The following AIFM1 variants were observed in gnomAD, a reference collection of about 807,000 sequenced individuals.
AIFM1 encodes the protein apoptosis-inducing factor 1, mitochondrial.
AIFM1 carries 3 observed loss-of-function variants against 51.7 expected under a neutral mutation model. The ratio of observed to expected loss-of-function variants is 0.06; its 90% CI spans 0.03 to 0.15. The LOEUF is 0.15. AIFM1 is among the 10% of genes least tolerant of loss of function. The pLI is 1.00. For missense variants in AIFM1, 330 were observed against 476.8 expected, an observed-to-expected ratio of 0.69 and a Z score of 2.87; for synonymous variants, 178 against 179.4, an observed-to-expected ratio of 0.99 and a Z score of 0.06.
At position 130,136,936 on chromosome X, in the gene AIFM1, C is replaced by T. The variant is rs918248997; in HGVS notation, c.1075+142G>A. On this transcript the variant is annotated intron_variant, in intron 10 of 15. Coordinates refer to ENST00000287295, the MANE Select transcript of AIFM1 (RefSeq NM_004208.4). Reference sequence around the variant, plus strand: ...ATCTGATTCAGAACACCTAGATGAACTTAGCTGACTGGAGAATGGTGGAAA... The same window carrying T: ...ATCTGATTCAGAACACCTAGATGAATTTAGCTGACTGGAGAATGGTGGAAA... 4.4e-6 allele frequency: 5 copies of T among 1,140,198 alleles called. No homozygotes were observed. The African/African-American group carries it at 7.2e-5, about 16-fold the overall frequency. The allele number at this position is 1,140,198 out of a possible 1,213,427, so 94.0% of individuals were successfully genotyped here.
At chrX:130,165,461 C>T (rs1234641573) in intron 1 of AIFM1, 90 bp downstream of exon 1, 38 of 766,576 alleles carry the variant, frequency 5.0e-5, no homozygotes. Context: ...AAGTTTCTCG[C>T]GGGGACGCGG....
intron 1 of AIFM1, among the ~76,000 whole-genome samples, chrX:130,161,700 C>T (rs1449972438): frequency 3.9e-5 from 4 of 103,164 alleles, no homozygotes; most frequent in African/African-American, 1.1e-4. Context: ...CTCCACTTCC[C>T]GGGTTCAAGC....
chrX:130,153,116 C>T (rs188915382), intron 2 of AIFM1, among the ~76,000 whole-genome samples: 67 of 103,325 alleles, frequency 6.5e-4, no homozygotes, highest in African/African-American at 2.2e-3. Context: ...GTGGATCACC[C>T]GAGGTCAGGA....
chrX:130,132,324 G>A (rs1433154808), intron 13 of AIFM1, among the ~76,000 whole-genome samples: 1 of 112,109 alleles, frequency 8.9e-6, no homozygotes, highest in African/African-American at 3.2e-5. Context: ...CATTATACAC[G>A]ACCACATATC....
intron 3 of AIFM1, among the ~76,000 whole-genome samples, chrX:130,149,181 CA>C (rs1254502367): frequency 9.0e-6 from 1 of 111,512 alleles, no homozygotes; most frequent in African/African-American, 3.3e-5. Context: ...CTCGGCCTCA[CA>C]AAGTGCTGGG....
intron 13 of AIFM1, 97 bp from the exon 14 acceptor site, chrX:130,131,896 G>T: frequency 9.5e-7 from 1 of 1,049,378 alleles, no homozygotes; most frequent in Non-Finnish European, 1.3e-6. Context: ...TTTTTGAGAC[G>T]GAGTTTCACT....
intron 2 of AIFM1, among the ~76,000 whole-genome samples, chrX:130,152,110 A>AGAG: frequency 9.0e-6 from 1 of 110,544 alleles, no homozygotes; most frequent in South Asian, 3.9e-4. Context: ...AGAGAAGAGA[A>AGAG]GAGAAAAGAA....
intron 13 of AIFM1, 44 bp from the exon 14 acceptor site, chrX:130,131,843 A>G (rs1357322801): frequency 1.7e-6 from 2 of 1,198,836 alleles, no homozygotes; most frequent in Non-Finnish European, 2.3e-6. Context: ...ACTGTAAGGA[A>G]TGACACGGTA....
chrX:130,130,403 A>G (rs751064087), intron 14 of AIFM1, among the ~76,000 whole-genome samples: 1 of 111,800 alleles, frequency 8.9e-6, no homozygotes, highest in East Asian at 2.8e-4. Context: ...GTCTGACCCT[A>G]AACTTCCCTC....
At chrX:130,131,228 G>A (rs921269402) in intron 14 of AIFM1, among the ~76,000 whole-genome samples, 8 of 111,981 alleles carry the variant, frequency 7.1e-5, no homozygotes, top group African/African-American at 2.3e-4. Context: ...GTTCCTCCCT[G>A]CGCAGGACCC....
intron 3 of AIFM1, 49 bp from the exon 4 acceptor site, chrX:130,147,925 A>C (rs749732370): frequency 8.3e-7 from 1 of 1,205,510 alleles, no homozygotes; most frequent in Admixed American, 2.2e-5. Context: ...GTCTCAGATG[A>C]TTCTTTGCCA....
chrX:130,136,504 G>A, intron 11 of AIFM1, 139 bp downstream of exon 11: 1 of 603,916 alleles, frequency 1.7e-6, no homozygotes, highest in Non-Finnish European at 2.8e-6. Flanking sequence ...TGGAGGGATG[G>A]TTAATTCGGA....
chrX:130,142,687 C>T (rs1312383520), intron 6 of AIFM1, among the ~76,000 whole-genome samples: 1 of 111,503 alleles, frequency 9.0e-6, no homozygotes. Context: ...GTTCTGTCAC[C>T]CAGGCTGGAG....
intron 1 of AIFM1, among the ~76,000 whole-genome samples, chrX:130,157,423 C>T (rs2031199931): frequency 8.9e-6 from 1 of 111,837 alleles, no homozygotes; most frequent in South Asian, 3.6e-4. Flanking sequence ...GATTACTCCT[C>T]GTGTTTGTTG....
intron 5 of AIFM1, 87 bp from the exon 6 acceptor site, chrX:130,145,656 T>C: frequency 1.3e-6 from 1 of 762,516 alleles, no homozygotes; most frequent in Non-Finnish European, 2.0e-6. Flanking sequence ...GTTTCCATTA[T>C]CAGAAACTTT....
chrX:130,140,372 G>T (rs2030532527), intron 7 of AIFM1, among the ~76,000 whole-genome samples, 161 bp downstream of exon 7: 1 of 112,253 alleles, frequency 8.9e-6, no homozygotes, highest in South Asian at 3.7e-4. Flanking sequence ...GGTGATCCAG[G>T]ATGCTTTGAC....
chrX:130,131,244 G>A (rs2030064818), intron 14 of AIFM1, among the ~76,000 whole-genome samples: 1 of 111,968 alleles, frequency 8.9e-6, no homozygotes, highest in South Asian at 3.7e-4. Context: ...GACCCATGGA[G>A]GATAGCCAGT....
chrX:130,157,693 G>A (rs926210922), intron 1 of AIFM1, among the ~76,000 whole-genome samples: 8 of 111,285 alleles, frequency 7.2e-5, no homozygotes, highest in Non-Finnish European at 1.5e-4. Flanking sequence ...TAGGTCAGGC[G>A]TGGTGGCTCA....
chrX:130,146,451 ATGTGTGTGTGTGTG>A (rs60694841), intron 5 of AIFM1, among the ~76,000 whole-genome samples: 12 of 89,446 alleles, frequency 1.3e-4, no homozygotes, highest in East Asian at 7.3e-4. Flanking sequence ...CTCTCAAAAT[ATGTGTGTGTGTGTG>A]TGTGTGTGTG....
Sources: gnomAD v4.1 joint callset for allele counts (sites outside exome capture counted in the v4.1 genomes callset) on GRCh38, gnomAD v4.1.1 for gene constraint, MANE v1.5 for transcripts, NCBI Gene and HGNC (gene_info 2026-07-23, HGNC 2026-07-21) for gene names.